The following PPP6C variants were observed in gnomAD, a reference collection of about 807,000 sequenced individuals.
PPP6C encodes the protein protein phosphatase 6 catalytic subunit, also known as serine/threonine-protein phosphatase 6 catalytic subunit.
A neutral mutation model predicts 39.8 loss-of-function variants in PPP6C; 11 were observed. That is an observed-to-expected ratio of 0.28 (90% confidence interval 0.17 to 0.46). The LOEUF (loss-of-function observed/expected upper bound fraction) is 0.46, where lower values mean the gene tolerates loss of function less well. PPP6C is among the 20% of genes least tolerant of loss of function. The pLI is 1.00. For synonymous variants in PPP6C, 129 were observed against 130.3 expected, an observed-to-expected ratio of 0.99 and a Z score of 0.07; for missense variants, 211 against 373.9, an observed-to-expected ratio of 0.56 and a Z score of 3.59.
chr9:125,171,472 CACACACATATATAT>C (rs1223507228), intron 1 of PPP6C, among the ~76,000 whole-genome samples: 4 of 32,408 alleles, frequency 1.2e-4, no homozygotes, highest in African/African-American at 4.9e-4. Context: ...CACACACACA[CACACACATATATAT>C]ATATATATAT....
At chr9:125,182,110 G>A (rs898802270) in intron 1 of PPP6C, among the ~76,000 whole-genome samples, 1 of 152,122 alleles carries the variant, frequency 6.6e-6, no homozygotes, top group Non-Finnish European at 1.5e-5. Flanking sequence ...ACAGGAAGGG[G>A]TTCATAGCCA....
At chr9:125,176,885 G>C (rs1332074298) in intron 1 of PPP6C, among the ~76,000 whole-genome samples, 1 of 152,164 alleles carries the variant, frequency 6.6e-6, no homozygotes, top group Non-Finnish European at 1.5e-5. Context: ...GCTGGATACA[G>C]GGTGTTAAGA....
chr9:125,174,681 A>C (rs1323201165), intron 1 of PPP6C, among the ~76,000 whole-genome samples: 1 of 152,010 alleles, frequency 6.6e-6, no homozygotes, highest in Non-Finnish European at 1.5e-5. Context: ...AGGCTCAGGC[A>C]GGTGGATCAT....
chr9:125,165,708 A>C (rs1828996946), intron 2 of PPP6C, among the ~76,000 whole-genome samples: 1 of 151,984 alleles, frequency 6.6e-6, no homozygotes. Flanking sequence ...CTCTTTAAAT[A>C]CTGTACCAAA....
intron 2 of PPP6C, among the ~76,000 whole-genome samples, chr9:125,163,178 G>C (rs1564150234): frequency 6.6e-6 from 1 of 151,984 alleles, no homozygotes; most frequent in Non-Finnish European, 1.5e-5. Flanking sequence ...AGCAACTCAA[G>C]GACCTTATGA....
At chr9:125,185,844 C>T (rs938168624) in intron 1 of PPP6C, among the ~76,000 whole-genome samples, 1 of 149,162 alleles carries the variant, frequency 6.7e-6, no homozygotes, top group Non-Finnish European at 1.5e-5. Context: ...ATTAACTGGG[C>T]GTGGTGGCAC....
intron 1 of PPP6C, among the ~76,000 whole-genome samples, chr9:125,179,655 CTTTTT>C (rs56221170): frequency 7.6e-6 from 1 of 132,432 alleles, no homozygotes. Flanking sequence ...TTCTCTCTCT[CTTTTT>C]TTTTTTTTTT....
intron 2 of PPP6C, among the ~76,000 whole-genome samples, chr9:125,167,129 C>T (rs1390240332): frequency 6.6e-6 from 1 of 151,854 alleles, no homozygotes; most frequent in African/African-American, 2.4e-5. Flanking sequence ...ACCTGTAGTC[C>T]CAGCACTCTG....
Position 125,147,830 on chromosome 9 carries a change from G to A in PPP6C, c.*1843C>T, listed in dbSNP as rs2131290591. ...AGGAAAAAAAAAAATACTGCAGAGA[G>A]CTGTTCAAAGACCACACCAAGTTGT... On this transcript the variant is annotated 3_prime_UTR_variant, in exon 7 of 7. Transcript: ENST00000373547. 1 of 166,524 alleles carries A rather than the reference G, an allele frequency of 6.0e-6. No homozygotes were observed. Among genetic ancestry groups the A allele is most frequent in the South Asian group, 1.6e-4 (1 of 6,248 alleles). The allele number at this position is 166,524 out of a possible 1,614,324, so 10.3% of individuals were successfully genotyped here.
chr9:125,178,328 C>G (rs1829347388), intron 1 of PPP6C, among the ~76,000 whole-genome samples: 1 of 152,136 alleles, frequency 6.6e-6, no homozygotes, highest in South Asian at 2.1e-4. Flanking sequence ...TGTTGGTGTT[C>G]TGGATTTTGG....
chr9:125,167,382 A>C (rs1829039354), intron 2 of PPP6C, among the ~76,000 whole-genome samples: 1 of 126,974 alleles, frequency 7.9e-6, no homozygotes, highest in African/African-American at 3.0e-5. Flanking sequence ...CCCTGTCCAA[A>C]AAAAAAAAAA....
In PPP6C at chr9:125,149,571, C is replaced by A; in HGVS notation, c.*102G>T. The A allele has an allele frequency of 1.5e-6, 2 of 1,296,604 alleles. No individual in the cohort carries two copies. The highest frequency in any genetic ancestry group is 1.9e-5 in the South Asian group (1 of 52,828). 80.3% of individuals were successfully genotyped at this position (1,296,604 alleles called of 1,614,324 possible). On this transcript the variant is annotated 3_prime_UTR_variant, in exon 7 of 7. Coordinates refer to ENST00000373547, the MANE Select transcript of PPP6C (RefSeq NM_002721.5). The stretch of plus-strand genomic sequence containing the variant: ...AAAAAAAAGGCAAGAGGCAGCATTT[C>A]AGCAGCAAAGTGCTCAATAAAAAGT...
intron 1 of PPP6C, among the ~76,000 whole-genome samples, chr9:125,178,068 GTTCC>G: frequency 6.6e-6 from 1 of 152,124 alleles, no homozygotes; most frequent in Non-Finnish European, 1.5e-5. Context: ...GGACATCTTG[GTTCC>G]TTCCAAGTTT....
intron 1 of PPP6C, among the ~76,000 whole-genome samples, chr9:125,171,435 T>C (rs1302106508): frequency 7.1e-6 from 1 of 140,116 alleles, no homozygotes; most frequent in Admixed American, 7.6e-5. Context: ...AAAATGATGT[T>C]TTTCACCAAA....
chr9:125,166,680 C>T (rs1451733022), intron 2 of PPP6C, among the ~76,000 whole-genome samples: 3 of 151,682 alleles, frequency 2.0e-5, no homozygotes, highest in African/African-American at 7.3e-5. Flanking sequence ...TTACAGGCAC[C>T]CACCACCACA....
chr9:125,154,032 A>G (rs1439397013), intron 4 of PPP6C, 47 bp from the exon 5 acceptor site: 1 of 1,371,470 alleles, frequency 7.3e-7, no homozygotes, highest in African/African-American at 1.4e-5. Flanking sequence ...TGCTAATAAA[A>G]ATAAACAATA....
At chr9:125,165,795 C>CTTTTTTTTTTTTTTTTTT (rs781221037) in intron 2 of PPP6C, among the ~76,000 whole-genome samples, 1 of 113,632 alleles carries the variant, frequency 8.8e-6, no homozygotes, top group East Asian at 2.5e-4. Context: ...TAATCTTTTG[C>CTTTTTTTTTTTTTTTTTT]TTTTTTTTTT....
intron 2 of PPP6C, among the ~76,000 whole-genome samples, chr9:125,168,682 C>A (rs999021363): frequency 6.6e-6 from 1 of 151,854 alleles, no homozygotes; most frequent in Non-Finnish European, 1.5e-5. Context: ...TGGTCTCGAT[C>A]TCTTGCCCTC....
intron 6 of PPP6C, chr9:125,151,558 C>T (rs7019470): frequency 0.41 from 335,104 of 813,962 alleles, 72,641 homozygotes; most frequent in East Asian, 0.53. Flanking sequence ...ATGAAGAATC[C>T]GTTTCTTACC....
Sources: allele counts gnomAD v4.1 joint callset (sites outside exome capture counted in the v4.1 genomes callset), GRCh38; gene constraint gnomAD v4.1.1; transcripts MANE v1.5; gene names NCBI Gene and HGNC (gene_info 2026-07-23, HGNC 2026-07-21).